The following BSPRY variants were observed in gnomAD, a reference collection of about 807,000 sequenced individuals.
The protein encoded by BSPRY is B-box and SPRY domain containing.
In BSPRY, 33 loss-of-function variants were observed where a neutral mutation model predicts 38.0. That is an observed-to-expected ratio of 0.87 (90% confidence interval 0.66 to 1.16). The LOEUF (loss-of-function observed/expected upper bound fraction) is 1.16, where lower values mean the gene tolerates loss of function less well. Ranked by LOEUF, BSPRY falls within the 50% of genes most tolerant of loss-of-function variation. BSPRY has a pLI of 0.00. For missense variants in BSPRY, 523 were observed against 533.2 expected (o/e 0.98, Z 0.19); for synonymous variants, 224 against 228.5 (o/e 0.98, Z 0.18).
At position 113,349,552 on chromosome 9, in the gene BSPRY, G is replaced by A; in HGVS notation, c.-28G>A. On this transcript the variant is annotated 5_prime_UTR_variant, in exon 1 of 6. It adds an upstream start codon to the 5' untranslated region. Transcript: ENST00000374183. ...CCCCGCCCGCCGCCACCTGCGACAG[G>A]TGGAGCGCACGGGGCGGGCGCACGG... 5 of 1,122,654 alleles carry A rather than the reference G, an allele frequency of 4.5e-6. No individual in the cohort carries two copies. Among genetic ancestry groups the A allele is most frequent in the Non-Finnish European group, 5.4e-6 (5 of 919,150 alleles). The allele number at this position is 1,122,654 out of a possible 1,614,324, so 69.5% of individuals were successfully genotyped here.
chr9:113,354,168 G>A, intron 1 of BSPRY, 72 bp from the exon 2 acceptor site: 3 of 1,313,962 alleles, frequency 2.3e-6, no homozygotes, highest in East Asian at 4.7e-5. Flanking sequence ...GGTAACAGGA[G>A]AAAATCACTG....
chr9:113,356,284 C>T (rs569616378), intron 2 of BSPRY, among the ~76,000 whole-genome samples: 149 of 152,218 alleles, frequency 9.8e-4, no homozygotes, highest in Non-Finnish European at 1.9e-3. Context: ...GCGGGTGGAT[C>T]ACGAGGTCAG....
chr9:113,351,954 C>T (rs1295670589), intron 1 of BSPRY, among the ~76,000 whole-genome samples: 5 of 151,968 alleles, frequency 3.3e-5, no homozygotes, highest in African/African-American at 4.8e-5. Flanking sequence ...GGACTACAGG[C>T]GCATGCCACT....
intron 2 of BSPRY, among the ~76,000 whole-genome samples, chr9:113,358,045 C>T (rs527852298): frequency 1.3e-5 from 2 of 148,746 alleles, no homozygotes; most frequent in East Asian, 2.1e-4. Context: ...CCCAGGAGTT[C>T]GAGACTGTTT....
chr9:113,358,969 A>G (rs1834108041), intron 2 of BSPRY, among the ~76,000 whole-genome samples: 1 of 152,192 alleles, frequency 6.6e-6, no homozygotes, highest in South Asian at 2.1e-4. Flanking sequence ...TCAAAGCTGC[A>G]GTGAGCTATG....
At chr9:113,360,319 C>T (rs1253908384) in intron 2 of BSPRY, among the ~76,000 whole-genome samples, 188 bp from the exon 3 acceptor site, 1 of 152,148 alleles carries the variant, frequency 6.6e-6, no homozygotes, top group Admixed American at 6.5e-5. Context: ...TTACCCTAAA[C>T]CATATTTGGG....
At position 113,368,532 on chromosome 9, in the gene BSPRY, A is replaced by C. The variant is rs564786672; in HGVS notation, c.682+149A>C. ...GGATGCAGGCTGGTCAGTAGGGTCAAGGTTCCAGACAGGCCTGGGGCAGCT... is the reference window on the plus strand; with the variant it reads ...GGATGCAGGCTGGTCAGTAGGGTCACGGTTCCAGACAGGCCTGGGGCAGCT... On this transcript the variant is annotated intron_variant, in intron 5 of 5. Transcript: ENST00000374183. 1.9e-5 allele frequency: 21 copies of C among 1,119,152 alleles called. No homozygotes were observed. In the African/African-American group the frequency reaches 3.0e-4, roughly 16 times the overall value. The allele number at this position is 1,119,152 out of a possible 1,614,324, so 69.3% of individuals were successfully genotyped here.
chr9:113,354,205 G>T, intron 1 of BSPRY, 35 bp from the exon 2 acceptor site: 1 of 1,583,074 alleles, frequency 6.3e-7, no homozygotes, highest in Middle Eastern at 1.7e-4. Flanking sequence ...TCAGGTACAT[G>T]GACCAAGATG....
intron 1 of BSPRY, among the ~76,000 whole-genome samples, chr9:113,353,542 A>G (rs1256573373): frequency 6.6e-6 from 1 of 152,058 alleles, no homozygotes; most frequent in Non-Finnish European, 1.5e-5. Context: ...GTCTCTACTA[A>G]AAATACAAAA....
chr9:113,352,480 G>GACACACACAC (rs139828518), intron 1 of BSPRY, among the ~76,000 whole-genome samples: 2,257 of 149,816 alleles, frequency 0.015, 47 homozygotes, highest in South Asian at 0.078. Flanking sequence ...TGGGGAGTGA[G>GACACACACAC]ACACACACAC....
At position 113,354,345 on chromosome 9, in the gene BSPRY, C is replaced by T. The variant is rs182334591; in HGVS notation, c.300+7C>T. The T allele has an allele frequency of 1.4e-3, 2,302 of 1,608,718 alleles. 25 individuals are homozygous for T. The African/African-American group carries it at 0.024, about 16-fold the overall frequency. On this transcript the variant is annotated splice_region_variant and intron_variant, in intron 2 of 5. Coordinates refer to ENST00000374183, the MANE Select transcript of BSPRY (RefSeq NM_017688.3). ...GAAGAATCAAAGAGCAGTGGTAATT[C>T]CTCTTCTTTCCTCTCTACTCAGCCC...
chr9:113,370,048 C>A lies in BSPRY; in HGVS notation c.1115C>A (p.Ser372Tyr). 4 of 1,614,156 alleles carry A rather than the reference C, an allele frequency of 2.5e-6. No individual in the cohort carries two copies. Among genetic ancestry groups the A allele is most frequent in the Non-Finnish European group, 3.4e-6 (4 of 1,180,028 alleles). The change falls in exon 6 of 6, where the codon TCC becomes TAC. Residue 372 changes from serine (S) to tyrosine (Y), a missense_variant. Ser to Tyr is a moderately radical substitution (Grantham distance 144, BLOSUM62 -2). Transcript: ENST00000374183. The surrounding 1 kb of genome is among the most constrained non-coding windows in gnomAD (Gnocchi z 4.8). ...VQELLFYEPA[S>Y]GTVLCAHHVS... is the part of the protein sequence containing the mutation. ...GAGCTGCTCTTCTATGAGCCAGCCT[C>A]CGGCACAGTGCTCTGTGCCCATCAT...
Position 113,370,451 on chromosome 9 carries a change from T to A in BSPRY, c.*309T>A. 1 of 234,788 alleles carries A rather than the reference T, an allele frequency of 4.3e-6. No individual in the cohort carries two copies. The highest frequency in any genetic ancestry group is 8.1e-6 in the Non-Finnish European group (1 of 123,422). The allele number at this position is 234,788 out of a possible 1,614,324, so 14.5% of individuals were successfully genotyped here. ...GTCTGTGTATAATTTTTGTGATATCTGCCACCACAGATAAGCAAAAAAGTC... is the reference window on the plus strand; with the variant it reads ...GTCTGTGTATAATTTTTGTGATATCAGCCACCACAGATAAGCAAAAAAGTC... On this transcript the variant is annotated 3_prime_UTR_variant, in exon 6 of 6. Coordinates refer to ENST00000374183, the MANE Select transcript of BSPRY (RefSeq NM_017688.3). This position sits in a 1 kb window ranked among gnomAD's most constrained non-coding sequence, Gnocchi z 4.8.
chr9:113,358,354 C>T (rs1834098278), intron 2 of BSPRY, among the ~76,000 whole-genome samples: 1 of 151,978 alleles, frequency 6.6e-6, no homozygotes, highest in South Asian at 2.1e-4. Flanking sequence ...CTGCAGCCTC[C>T]ACCTCCCAGC....
intron 1 of BSPRY, among the ~76,000 whole-genome samples, chr9:113,353,601 G>C (rs565554927): frequency 2.0e-5 from 3 of 152,222 alleles, no homozygotes; most frequent in Non-Finnish European, 4.4e-5. Context: ...TACTTGGGAG[G>C]CTGAAGCAGG....
chr9:113,361,342 A>G (rs1834149589), intron 3 of BSPRY, among the ~76,000 whole-genome samples: 1 of 152,164 alleles, frequency 6.6e-6, no homozygotes. Flanking sequence ...GAATAAAACT[A>G]TGTTTCTTTG....
chr9:113,369,959 C>T lies in BSPRY; in HGVS notation c.1026C>T (p.His342=), dbSNP rs375386074. The T allele has an allele frequency of 1.2e-4, 195 of 1,614,022 alleles. No individual in the cohort carries two copies. The highest frequency in any genetic ancestry group is 1.5e-4 in the Non-Finnish European group (175 of 1,180,034). The change falls in exon 6 of 6, where the codon CAC becomes CAT. Residue 342 remains histidine, a synonymous_variant. Coordinates refer to ENST00000374183, the MANE Select transcript of BSPRY (RefSeq NM_017688.3). ...QEFRFSHNGQ[H]EPLGLLRGPA... ...TTCGTTTCTCACACAATGGGCAGCA[C>T]GAGCCCCTGGGGCTGCTGCGGGGCC...
At position 113,369,812 on chromosome 9, in the gene BSPRY, G is replaced by C. The variant is rs818711; in HGVS notation, c.879G>C (p.Gln293His). The C allele has an allele frequency of 0.057, 91,584 of 1,614,234 alleles. 3,184 individuals carry two copies. Among genetic ancestry groups the C allele is most frequent in the South Asian group, 0.1 (9,344 of 91,088 alleles). ...TCCATGCCTGGATGGTGAATGTCCA[G>C]AACAGTTGTGCCTATAAGGTGGGCG... ...NGLHAWMVNV[Q>H]NSCAYKVGVA... Residue 293 changes from glutamine to histidine, a missense_variant, in exon 6 of 6, where the codon CAG becomes CAC. By Grantham distance (24) the Gln-to-His change is conservative. Coordinates refer to ENST00000374183, the MANE Select transcript of BSPRY (RefSeq NM_017688.3).
intron 2 of BSPRY, among the ~76,000 whole-genome samples, chr9:113,355,671 A>G (rs1195860838): frequency 2.0e-5 from 3 of 150,558 alleles, no homozygotes; most frequent in Non-Finnish European, 2.9e-5. Flanking sequence ...CTGGAGTGCA[A>G]TGGCGCGATC....
Sources: allele counts gnomAD v4.1 joint callset (sites outside exome capture counted in the v4.1 genomes callset), GRCh38; gene constraint gnomAD v4.1.1; non-coding constraint Gnocchi (gnomAD v3.1); transcripts MANE v1.5; gene names NCBI Gene and HGNC (gene_info 2026-07-23, HGNC 2026-07-21).